Variants in FMN2 observed in about 807,000 individuals in gnomAD.
FMN2 encodes the protein formin-2.
In FMN2, 51 loss-of-function variants were observed where a neutral mutation model predicts 142.3. The observed-to-expected ratio is 0.36, with a 90% CI of 0.29 to 0.45. The LOEUF is 0.45. Ranked by LOEUF, FMN2 falls within the 20% of genes least tolerant of loss-of-function variation. The pLI, the probability that FMN2 is intolerant of heterozygous loss-of-function variation, is 1.00. For missense variants in FMN2, 1,936 were observed against 2,122.8 expected (o/e 0.91, Z 1.73); for synonymous variants, 882 against 869.8 (o/e 1.01, Z -0.25).
At chr1:240,226,155 C>T (rs2103431958) in intron 6 of FMN2, among the ~76,000 whole-genome samples, 1 of 152,236 alleles carries the variant, frequency 6.6e-6, no homozygotes, top group East Asian at 1.9e-4. Flanking sequence ...GAAAACTTCT[C>T]AACTTTATGA....
intron 8 of FMN2, among the ~76,000 whole-genome samples, chr1:240,300,813 A>G (rs146831732): frequency 1.3e-5 from 2 of 151,342 alleles, no homozygotes; most frequent in East Asian, 3.9e-4. Context: ...ATTCTTCTTC[A>G]GTTTAGTAAT....
chr1:240,369,025 C>A (rs1280238127), intron 14 of FMN2, among the ~76,000 whole-genome samples: 2 of 151,556 alleles, frequency 1.3e-5, no homozygotes, highest in Non-Finnish European at 2.9e-5. Flanking sequence ...TATCATTTCA[C>A]ATAGGTACCG....
At chr1:240,099,129 C>G (rs957528512) in intron 1 of FMN2, among the ~76,000 whole-genome samples, 1 of 151,890 alleles carries the variant, frequency 6.6e-6, no homozygotes, top group African/African-American at 2.4e-5. Context: ...ACAATTCTGC[C>G]TGGTACATGA....
At chr1:240,195,220 T>C (rs1665868419) in intron 4 of FMN2, among the ~76,000 whole-genome samples, 1 of 152,180 alleles carries the variant, frequency 6.6e-6, no homozygotes, top group Non-Finnish European at 1.5e-5. Context: ...TGGCAAGAAA[T>C]TTGAGTTGCT....
At chr1:240,349,530 T>G (rs187416923) in intron 13 of FMN2, among the ~76,000 whole-genome samples, 1 of 152,276 alleles carries the variant, frequency 6.6e-6, no homozygotes, top group East Asian at 1.9e-4. Context: ...TGATCATGGT[T>G]CATTCCAGGG....
intron 2 of FMN2, chr1:240,144,237 C>G (rs1252693946): frequency 1.3e-6 from 2 of 1,575,178 alleles, no homozygotes; most frequent in African/African-American, 2.7e-5. Flanking sequence ...GCTGCATTCA[C>G]AAAGCCACTC....
chr1:240,142,500 T>TTTATTTATTTATATA (rs1553331235), intron 2 of FMN2, among the ~76,000 whole-genome samples: 4 of 150,796 alleles, frequency 2.7e-5, no homozygotes, highest in African/African-American at 7.4e-5. Context: ...TTTATTTATA[T>TTTATTTATTTATATA]TTTTTGGGGG....
At position 240,440,617 on chromosome 1, in the gene FMN2, C is replaced by T. The variant is rs138425284; in HGVS notation, c.5060+2407C>T. On this transcript the variant is annotated intron_variant, in intron 16 of 17. Coordinates refer to ENST00000319653, the MANE Select transcript of FMN2 (RefSeq NM_020066.5). ...TGCGAATTGGCAGTTTACAAGTGCT[C>T]TTGACTTCAGACTTCTCAGTTTTCT... is the stretch of plus-strand genomic sequence containing the variant. 1.1e-4 allele frequency among the ~76,000 whole-genome samples: 16 copies of T among 152,272 alleles called. No homozygotes were observed. In the East Asian group the frequency reaches 1.9e-3, roughly 18 times the overall value.
At chr1:240,378,264 C>T (rs1307936592) in intron 14 of FMN2, among the ~76,000 whole-genome samples, 1 of 152,148 alleles carries the variant, frequency 6.6e-6, no homozygotes, top group Non-Finnish European at 1.5e-5. Flanking sequence ...GATTCTCCTG[C>T]CTCAGCCTCC....
At chr1:240,329,018 T>C (rs1671291271) in intron 8 of FMN2, 58 bp from the exon 9 acceptor site, 1 of 1,400,524 alleles carries the variant, frequency 7.1e-7, no homozygotes, top group Admixed American at 1.8e-5. Flanking sequence ...ATTAGATTAT[T>C]ATCTAAGGGA....
chr1:240,294,898 G>A lies in FMN2; in HGVS notation c.4215+15G>A. The A allele has an allele frequency of 6.2e-7, 1 of 1,608,842 alleles. No homozygotes were observed. Among genetic ancestry groups the A allele is most frequent in the Non-Finnish European group, 8.5e-7 (1 of 1,175,546 alleles). On this transcript the variant is annotated intron_variant, in intron 8 of 17. Coordinates refer to ENST00000319653, the MANE Select transcript of FMN2 (RefSeq NM_020066.5). ...TCTATGAGAATGTGAGTAATAGAAGGAATTTTATGTGTGAGTATATAATAT... is the reference window on the plus strand; with the variant it reads ...TCTATGAGAATGTGAGTAATAGAAGAAATTTTATGTGTGAGTATATAATAT...
chr1:240,263,240 C>T (rs1668689311), intron 7 of FMN2, among the ~76,000 whole-genome samples: 1 of 152,166 alleles, frequency 6.6e-6, no homozygotes, highest in African/African-American at 2.4e-5. Flanking sequence ...ACCTCTCTGT[C>T]TTTATAGGGG....
intron 1 of FMN2, among the ~76,000 whole-genome samples, chr1:240,104,949 C>G (rs1431166662): frequency 1.3e-5 from 2 of 152,044 alleles, no homozygotes; most frequent in East Asian, 3.9e-4. Flanking sequence ...CCAGAGAAAA[C>G]AGTCTGATGA....
In FMN2 at chr1:240,306,281, A is replaced by G. The variant is rs1219098589; in HGVS notation, c.4215+11398A>G. Reference sequence around the variant, plus strand: ...TTTTTATTTTCTTTTTTTAAAATCCATTTTAATTTTAGATTCAAGGGATAC... The same window carrying G: ...TTTTTATTTTCTTTTTTTAAAATCCGTTTTAATTTTAGATTCAAGGGATAC... On this transcript the variant is annotated intron_variant, in intron 8 of 17. Coordinates refer to ENST00000319653, the MANE Select transcript of FMN2 (RefSeq NM_020066.5). 2.6e-5 allele frequency among the ~76,000 whole-genome samples: 4 copies of G among 152,112 alleles called. No homozygotes were observed. The East Asian group carries it at 5.8e-4, about 22-fold the overall frequency.
chr1:240,119,623 C>T (rs1387579920), intron 1 of FMN2, among the ~76,000 whole-genome samples: 4 of 152,166 alleles, frequency 2.6e-5, no homozygotes, highest in Non-Finnish European at 4.4e-5. Flanking sequence ...CCGCTAAACA[C>T]GGAAATACCA....
chr1:240,429,899 T>G (rs999721439), intron 15 of FMN2, among the ~76,000 whole-genome samples: 44 of 149,984 alleles, frequency 2.9e-4, no homozygotes, highest in Non-Finnish European at 4.1e-4. Context: ...TTTTTTGTTT[T>G]TTTTGAGGCA....
At chr1:240,273,820 T>G (rs1279206157) in intron 7 of FMN2, among the ~76,000 whole-genome samples, 1 of 152,110 alleles carries the variant, frequency 6.6e-6, no homozygotes, top group Non-Finnish European at 1.5e-5. Context: ...TCTCAGGTGT[T>G]GGGGGATCTC....
intron 2 of FMN2, among the ~76,000 whole-genome samples, chr1:240,164,461 T>G (rs1434479894): frequency 6.6e-6 from 1 of 152,238 alleles, no homozygotes; most frequent in East Asian, 1.9e-4. Flanking sequence ...TTCTGCATCT[T>G]CAGGAATCTG....
chr1:240,462,852 G>C (rs909248068), intron 16 of FMN2, among the ~76,000 whole-genome samples: 1 of 152,160 alleles, frequency 6.6e-6, no homozygotes, highest in African/African-American at 2.4e-5. Flanking sequence ...AAATAAGCTT[G>C]CCTGGAGGGT....
Sources: allele counts gnomAD v4.1 joint callset (sites outside exome capture counted in the v4.1 genomes callset), GRCh38; gene constraint gnomAD v4.1.1; transcripts MANE v1.5; gene names NCBI Gene and HGNC (gene_info 2026-07-23, HGNC 2026-07-21).